Variants in EYA2 observed in about 807,000 individuals in gnomAD.
EYA2 encodes protein phosphatase EYA2.
Under a neutral mutation model 69.2 loss-of-function variants are expected in EYA2, and 31 were observed. The observed-to-expected ratio is 0.45, with a 90% CI of 0.34 to 0.60. The LOEUF is 0.60. Among genes scored for constraint, EYA2 ranks in the 20% least tolerant of loss-of-function variants. The pLI is 0.02. For missense variants in EYA2, 622 were observed against 701.2 expected, an observed-to-expected ratio of 0.89 and a Z score of 1.28; for synonymous variants, 257 against 279.4, an observed-to-expected ratio of 0.92 and a Z score of 0.80.
intron 7 of EYA2, among the ~76,000 whole-genome samples, chr20:47,078,327 GCGCGCACACACACACACACA>G (rs1287222052): frequency 2.6e-5 from 2 of 78,002 alleles, no homozygotes; most frequent in African/African-American, 6.8e-5. Flanking sequence ...GTGCGCGCGC[GCGCGCACACACACACACACA>G]CACACACACA....
intron 1 of EYA2, among the ~76,000 whole-genome samples, chr20:46,936,446 G>C (rs2146257583): frequency 6.6e-6 from 1 of 152,272 alleles, no homozygotes; most frequent in Non-Finnish European, 1.5e-5. Flanking sequence ...CCTCCAGCTT[G>C]GGTGACAGAG....
chr20:47,139,131 TC>T (rs2033540235), intron 9 of EYA2, among the ~76,000 whole-genome samples: 1 of 152,208 alleles, frequency 6.6e-6, no homozygotes, highest in African/African-American at 2.4e-5. Context: ...GCTAAATTAT[TC>T]CCAATCTTTT....
At chr20:47,057,388 T>C (rs1027838075) in intron 5 of EYA2, among the ~76,000 whole-genome samples, 1 of 152,200 alleles carries the variant, frequency 6.6e-6, no homozygotes, top group Non-Finnish European at 1.5e-5. Flanking sequence ...GATTTGTCCC[T>C]TTCTGGAACT....
At position 47,172,672 on chromosome 20, in the gene EYA2, G is replaced by A. The variant is rs1186700567; in HGVS notation, c.1038-35G>A. 1.9e-5 allele frequency: 30 copies of A among 1,578,404 alleles called. No individual in the cohort carries two copies. The East Asian group carries it at 6.7e-4, about 35-fold the overall frequency. On this transcript the variant is annotated intron_variant, in intron 11 of 15. Transcript: ENST00000327619. ...CAGGGAAGATGCCCTGCACCCCCCT[G>A]CACTAACACTGTCCCTCCCCTCCTC...
intron 7 of EYA2, 115 bp downstream of exon 7, chr20:47,074,450 G>A (rs753175113): frequency 1.1e-5 from 12 of 1,132,780 alleles, no homozygotes; most frequent in African/African-American, 9.7e-5. Context: ...GGTCATTCAT[G>A]GATGTGGCCT....
At chr20:47,022,062 A>C (rs1983784814) in intron 5 of EYA2, among the ~76,000 whole-genome samples, 1 of 152,186 alleles carries the variant, frequency 6.6e-6, no homozygotes. Flanking sequence ...ACAAAGTTAA[A>C]ATAGACATCT....
In EYA2 at chr20:47,107,200, G is replaced by T. The variant is rs147532841; in HGVS notation, c.888+10032G>T. Among the ~76,000 whole-genome samples the T allele has an allele frequency of 7.0e-3, 1,073 of 152,264 alleles. 11 individuals are homozygous for T. Among genetic ancestry groups the T allele is most frequent in the African/African-American group, 0.025 (1,037 of 41,546 alleles). On this transcript the variant is annotated intron_variant, in intron 9 of 15. Coordinates refer to ENST00000327619, the MANE Select transcript of EYA2 (RefSeq NM_005244.5). Reference sequence around the variant, plus strand: ...CCCTCATGGAGCTGATATCCTTGGGGAGAGGAAGGAAGATGATAAGCAAGA... The same window carrying T: ...CCCTCATGGAGCTGATATCCTTGGGTAGAGGAAGGAAGATGATAAGCAAGA...
intron 4 of EYA2, among the ~76,000 whole-genome samples, chr20:47,009,863 A>G (rs1982951484): frequency 6.6e-6 from 1 of 152,372 alleles, no homozygotes; most frequent in East Asian, 1.9e-4. Flanking sequence ...TATTTTAAGC[A>G]TGTTTTAAAA....
intron 1 of EYA2, among the ~76,000 whole-genome samples, chr20:46,949,031 A>C (rs1006748726): frequency 5.9e-5 from 9 of 152,214 alleles, no homozygotes; most frequent in Non-Finnish European, 1.2e-4. Flanking sequence ...AGGAAACTGC[A>C]GCTCAGAGGA....
At chr20:47,161,484 A>G in intron 10 of EYA2, 1 of 450,102 alleles carries the variant, frequency 2.2e-6, no homozygotes, top group Non-Finnish European at 4.3e-6. Context: ...GAAGAGATAG[A>G]TCTCCTCCAG....
chr20:47,038,329 G>A (rs187169222), intron 5 of EYA2, among the ~76,000 whole-genome samples: 8 of 152,024 alleles, frequency 5.3e-5, no homozygotes, highest in Admixed American at 2.0e-4. Context: ...GCAAGACCCC[G>A]TCTCTACAAA....
chr20:47,073,494 T>TC (rs571241710), intron 6 of EYA2, among the ~76,000 whole-genome samples: 1 of 121,534 alleles, frequency 8.2e-6, no homozygotes. Context: ...GTGTGTGTCG[T>TC]GGGGGGGGGG....
intron 10 of EYA2, among the ~76,000 whole-genome samples, chr20:47,164,882 T>A (rs1013198151): frequency 3.3e-5 from 5 of 152,150 alleles, no homozygotes; most frequent in African/African-American, 1.2e-4. Flanking sequence ...AAACATGCAA[T>A]GAGCTAAGTA....
At chr20:47,009,723 A>G (rs1382516723) in intron 4 of EYA2, among the ~76,000 whole-genome samples, 3 of 152,256 alleles carry the variant, frequency 2.0e-5, no homozygotes, top group African/African-American at 7.2e-5. Context: ...CTGCCATTGT[A>G]GCATGAAAGC....
intron 9 of EYA2, among the ~76,000 whole-genome samples, chr20:47,138,948 A>ATT (rs2033536568): frequency 1.3e-5 from 2 of 152,184 alleles, no homozygotes; most frequent in Non-Finnish European, 2.9e-5. Context: ...AACGGTAATA[A>ATT]CATACAGTAC....
At chr20:47,143,232 T>G in intron 10 of EYA2, 84 bp downstream of exon 10, 1 of 1,120,894 alleles carries the variant, frequency 8.9e-7, no homozygotes, top group Middle Eastern at 2.1e-4. Flanking sequence ...CTGCCTTTCC[T>G]TTCTTTTTCT....
chr20:47,183,455 G>A, intron 15 of EYA2, 64 bp downstream of exon 15: 1 of 1,454,826 alleles, frequency 6.9e-7, no homozygotes, highest in African/African-American at 1.4e-5. Context: ...TGGTCTTCAA[G>A]GGCTCCTTCC....
chr20:47,172,611 A>G (rs2034343520), intron 11 of EYA2, 96 bp from the exon 12 acceptor site: 2 of 1,387,646 alleles, frequency 1.4e-6, no homozygotes, highest in East Asian at 2.3e-5. Context: ...GACACCCAAA[A>G]GCCCACCCGT....
intron 9 of EYA2, among the ~76,000 whole-genome samples, chr20:47,110,124 T>C (rs1268945777): frequency 1.3e-5 from 2 of 152,230 alleles, no homozygotes; most frequent in Non-Finnish European, 2.9e-5. Context: ...AAGGCCCAGC[T>C]GCTCCCTTTA....
Sources: allele counts gnomAD v4.1 joint callset (sites outside exome capture counted in the v4.1 genomes callset), GRCh38; gene constraint gnomAD v4.1.1; transcripts MANE v1.5; gene names NCBI Gene and HGNC (gene_info 2026-07-23, HGNC 2026-07-21).